The following TRPC5 variants were observed in gnomAD, a reference collection of about 807,000 sequenced individuals.
The protein encoded by TRPC5 is short transient receptor potential channel 5.
Under a neutral mutation model 56.5 loss-of-function variants are expected in TRPC5, and 9 were observed. That is an observed-to-expected ratio of 0.16 (90% confidence interval 0.10 to 0.28). The LOEUF (loss-of-function observed/expected upper bound fraction) is 0.28. TRPC5 is among the 10% of genes least tolerant of loss of function. TRPC5 has a pLI of 1.00. For synonymous variants in TRPC5, 282 were observed against 278.5 expected (o/e 1.01, Z -0.13); for missense variants, 469 against 748.9 (o/e 0.63, Z 4.36).
At chrX:112,068,174 CT>C in intron 1 of TRPC5, among the ~76,000 whole-genome samples, 1 of 112,351 alleles carries the variant, frequency 8.9e-6, no homozygotes, top group East Asian at 2.8e-4. Flanking sequence ...TTGCAACCTA[CT>C]CTTTATGTGC....
rs904514280 is a variant in TRPC5, at chrX:111,775,990, G to A, written c.*323C>T. On this transcript the variant is annotated 3_prime_UTR_variant, in exon 11 of 11. Coordinates refer to ENST00000262839, the MANE Select transcript of TRPC5 (RefSeq NM_012471.3). ...CAAGACCAGCAAAGTGGCACCTGGG[G>A]CTTCAAGGAAGCATGGGTGAGAAAA... 1 of 174,277 alleles carries A rather than the reference G, an allele frequency of 5.7e-6. No individual in the cohort carries two copies. The highest frequency in any genetic ancestry group is 1.1e-4 in the East Asian group (1 of 8,806). The allele number at this position is 174,277 out of a possible 1,213,427, so 14.4% of individuals were successfully genotyped here.
intron 1 of TRPC5, among the ~76,000 whole-genome samples, chrX:112,005,937 C>T (rs755245677): frequency 9.0e-6 from 1 of 111,486 alleles, no homozygotes; most frequent in Non-Finnish European, 1.9e-5. Flanking sequence ...CCATGGGTTC[C>T]CAGGAGAATG....
intron 7 of TRPC5, among the ~76,000 whole-genome samples, chrX:111,805,602 G>A (rs931544439): frequency 8.9e-6 from 1 of 111,757 alleles, no homozygotes; most frequent in African/African-American, 3.3e-5. Flanking sequence ...TTAGCCAATT[G>A]TTTTGGAAAT....
At chrX:111,970,946 T>G (rs1317842189) in intron 1 of TRPC5, among the ~76,000 whole-genome samples, 1 of 109,483 alleles carries the variant, frequency 9.1e-6, no homozygotes, top group Non-Finnish European at 1.9e-5. Flanking sequence ...CCTGGCTAAT[T>G]TTTTTGTATT....
At chrX:111,874,057 A>T (rs1447092462) in intron 3 of TRPC5, among the ~76,000 whole-genome samples, 1 of 111,567 alleles carries the variant, frequency 9.0e-6, no homozygotes, top group East Asian at 2.8e-4. Context: ...GGCTTTTAAG[A>T]AGTCATTTTC....
At chrX:111,785,921 G>T (rs1056029903) in intron 7 of TRPC5, among the ~76,000 whole-genome samples, 1 of 111,950 alleles carries the variant, frequency 8.9e-6, no homozygotes, top group Non-Finnish European at 1.9e-5. Flanking sequence ...TATGGGAAAA[G>T]ACCAAATCTA....
At chrX:111,803,219 T>A (rs1343023662) in intron 7 of TRPC5, among the ~76,000 whole-genome samples, 1 of 112,509 alleles carries the variant, frequency 8.9e-6, no homozygotes, top group Non-Finnish European at 1.9e-5. Flanking sequence ...GGCTGCATAG[T>A]ATTCCATGGT....
At chrX:111,956,201 G>T (rs959173623) in intron 1 of TRPC5, among the ~76,000 whole-genome samples, 3 of 112,567 alleles carry the variant, frequency 2.7e-5, no homozygotes, top group Non-Finnish European at 5.6e-5. Flanking sequence ...AGGAGGAAAG[G>T]CTGGCTTTCT....
chrX:111,816,883 C>T (rs1202410724), intron 7 of TRPC5, among the ~76,000 whole-genome samples: 1 of 111,504 alleles, frequency 9.0e-6, no homozygotes, highest in African/African-American at 3.3e-5. Flanking sequence ...GAAAGAACAG[C>T]AACATAGAGG....
chrX:111,942,292 G>A (rs1355547478), intron 2 of TRPC5, among the ~76,000 whole-genome samples: 1 of 112,212 alleles, frequency 8.9e-6, no homozygotes, highest in Admixed American at 9.4e-5. Flanking sequence ...TGATTGTGAG[G>A]CATATGATTA....
chrX:111,826,534 G>C (rs140570869), intron 7 of TRPC5, among the ~76,000 whole-genome samples: 1 of 112,497 alleles, frequency 8.9e-6, no homozygotes, highest in African/African-American at 3.2e-5. Context: ...AGAAAAATAC[G>C]TAGATTGCCT....
At chrX:111,965,840 T>C (rs1200943651) in intron 1 of TRPC5, among the ~76,000 whole-genome samples, 2 of 110,562 alleles carry the variant, frequency 1.8e-5, no homozygotes, top group African/African-American at 3.3e-5. Context: ...TAGAGGGAAA[T>C]TTATAGCACT....
At chrX:111,787,425 A>G (rs1164567801) in intron 7 of TRPC5, among the ~76,000 whole-genome samples, 2 of 111,528 alleles carry the variant, frequency 1.8e-5, no homozygotes, top group Non-Finnish European at 3.8e-5. Context: ...AGGGAAATTT[A>G]TAGCGCTAAA....
chrX:111,778,764 C>A (rs1177996566), intron 10 of TRPC5, among the ~76,000 whole-genome samples: 4 of 111,801 alleles, frequency 3.6e-5, no homozygotes, highest in African/African-American at 1.3e-4. Context: ...AGAATGCATA[C>A]AGCAGATTTC....
chrX:111,902,823 G>A (rs1925418501), intron 3 of TRPC5: 1 of 112,083 alleles, frequency 8.9e-6, no homozygotes, highest in Admixed American at 9.5e-5. Context: ...GGGACCAAGA[G>A]TTCCAGTGCA....
chrX:111,911,095 AT>A (rs1385795556), intron 3 of TRPC5, among the ~76,000 whole-genome samples: 1 of 111,698 alleles, frequency 9.0e-6, no homozygotes, highest in Admixed American at 9.5e-5. Flanking sequence ...TTGCCCTGGT[AT>A]TTGTTTTTTG....
intron 1 of TRPC5, among the ~76,000 whole-genome samples, chrX:111,955,651 C>T (rs1927214133): frequency 8.9e-6 from 1 of 111,822 alleles, no homozygotes; most frequent in Non-Finnish European, 1.9e-5. Context: ...GCCACTTGAC[C>T]CTCACTCATA....
chrX:111,994,790 A>T (rs766342130), intron 1 of TRPC5, among the ~76,000 whole-genome samples: 26 of 111,909 alleles, frequency 2.3e-4, no homozygotes, highest in African/African-American at 8.4e-4. Context: ...TTATCAGCTT[A>T]AGGAGATTTT....
chrX:112,013,688 A>G (rs1191244314), intron 1 of TRPC5, among the ~76,000 whole-genome samples: 3 of 111,604 alleles, frequency 2.7e-5, no homozygotes, highest in African/African-American at 6.5e-5. Flanking sequence ...GTATTTAGCT[A>G]CCAAATCTTT....
Sources: allele counts gnomAD v4.1 joint callset (sites outside exome capture counted in the v4.1 genomes callset), GRCh38; gene constraint gnomAD v4.1.1; transcripts MANE v1.5; gene names NCBI Gene and HGNC (gene_info 2026-07-23, HGNC 2026-07-21).